The following PHKB variants were observed in gnomAD, a reference collection of about 807,000 sequenced individuals.
PHKB encodes the protein phosphorylase kinase regulatory subunit beta.
A neutral mutation model predicts 152.1 loss-of-function variants in PHKB; 122 were observed. That is an observed-to-expected ratio of 0.80 (90% CI 0.69 to 0.93). PHKB has a LOEUF of 0.93. PHKB is among the 40% of genes least tolerant of loss of function. The pLI is 0.00. For missense variants in PHKB, 1,304 were observed against 1,328.4 expected (o/e 0.98, Z 0.29); for synonymous variants, 436 against 464.9 (o/e 0.94, Z 0.80).
chr16:47,472,338 A>G (rs1349164529), intron 1 of PHKB, among the ~76,000 whole-genome samples: 1 of 152,192 alleles, frequency 6.6e-6, no homozygotes, highest in Non-Finnish European at 1.5e-5. Context: ...TTTGGGACAC[A>G]TCTATTTTCA....
chr16:47,603,503 CTT>C (rs1200510899), intron 13 of PHKB, among the ~76,000 whole-genome samples: 41 of 132,490 alleles, frequency 3.1e-4, no homozygotes, highest in Non-Finnish European at 3.0e-4. Flanking sequence ...AACTGACTTT[CTT>C]TTTTTTTTTT....
intron 16 of PHKB, among the ~76,000 whole-genome samples, chr16:47,642,767 C>T (rs1973047421): frequency 6.6e-6 from 1 of 152,016 alleles, no homozygotes; most frequent in African/African-American, 2.4e-5. Context: ...CTTGGAGAGT[C>T]CTTATACCTT....
intron 1 of PHKB, chr16:47,464,027 T>C (rs1209425917): frequency 8.1e-7 from 1 of 1,233,354 alleles, no homozygotes; most frequent in East Asian, 2.3e-5. Context: ...GGTCACTTGG[T>C]AATTTTAAAT....
At chr16:47,600,560 A>G (rs1972204665) in intron 13 of PHKB, among the ~76,000 whole-genome samples, 2 of 152,204 alleles carry the variant, frequency 1.3e-5, no homozygotes, top group African/African-American at 4.8e-5. Context: ...ACAGTCATTC[A>G]TTGCTTAATG....
intron 16 of PHKB, among the ~76,000 whole-genome samples, chr16:47,644,149 C>T (rs548406794): frequency 3.9e-5 from 6 of 152,216 alleles, no homozygotes; most frequent in South Asian, 4.2e-4. Context: ...TTTTACCATA[C>T]ATTTATTTCT....
chr16:47,507,125 C>CA (rs1970433521), intron 4 of PHKB, among the ~76,000 whole-genome samples: 1 of 152,078 alleles, frequency 6.6e-6, no homozygotes, highest in African/African-American at 2.4e-5. Context: ...AGGCATGCAC[C>CA]AACACACCCA....
intron 13 of PHKB, chr16:47,599,060 T>C (rs563006477): frequency 3.3e-6 from 2 of 612,972 alleles, no homozygotes; most frequent in East Asian, 5.5e-5. Context: ...TCAACCCAAG[T>C]TGGGAAGGTT....
chr16:47,691,694 T>C, intron 27 of PHKB, among the ~76,000 whole-genome samples: 1 of 146,652 alleles, frequency 6.8e-6, no homozygotes, highest in South Asian at 2.2e-4. Flanking sequence ...TAGAGTCAGA[T>C]CCTGTCTCAA....
intron 27 of PHKB, among the ~76,000 whole-genome samples, chr16:47,691,960 A>G (rs374902846): frequency 6.6e-6 from 1 of 152,206 alleles, no homozygotes; most frequent in Admixed American, 6.5e-5. Flanking sequence ...TTTAATTGCC[A>G]AACAAAGGGA....
Position 47,697,394 on chromosome 16 carries a change from G to T in PHKB, c.3003+906G>T, listed in dbSNP as rs375594114. On this transcript the variant is annotated intron_variant, in intron 29 of 30. Transcript: ENST00000323584. ...GCAGACTGGGTCGTGAAAAGACGGG[G>T]TTATTAGGCAGGTGAATGCCTTCCA... 3.9e-5 allele frequency among the ~76,000 whole-genome samples: 6 copies of T among 152,332 alleles called. No individual in the cohort carries two copies. In the East Asian group the frequency reaches 7.7e-4, roughly 20 times the overall value.
chr16:47,553,810 G>C (rs2151676503), intron 7 of PHKB, among the ~76,000 whole-genome samples: 1 of 152,316 alleles, frequency 6.6e-6, no homozygotes, highest in Non-Finnish European at 1.5e-5. Flanking sequence ...CCACAGGTCT[G>C]CTGGACTTTG....
rs151266617 is a variant in PHKB at position 47,605,572 on chromosome 16, A to G, written c.1364-5254A>G. On this transcript the variant is annotated intron_variant, in intron 13 of 30. Coordinates refer to ENST00000323584, the MANE Select transcript of PHKB (RefSeq NM_000293.3). ...TTTTTCACATCTCAGTGATCATACAATTGAGATACGGAAATAATTTACTGC... is the reference window on the plus strand; with the variant it reads ...TTTTTCACATCTCAGTGATCATACAGTTGAGATACGGAAATAATTTACTGC... Among the ~76,000 whole-genome samples the G allele has an allele frequency of 2.1e-4, 32 of 152,336 alleles. No individual in the cohort carries two copies. In the East Asian group the frequency reaches 5.2e-3, roughly 25 times the overall value.
At chr16:47,665,758 T>G (rs1973526575) in intron 25 of PHKB, 1 of 672,744 alleles carries the variant, frequency 1.5e-6, no homozygotes, top group South Asian at 1.6e-5. Context: ...CCTCCCTAAT[T>G]CTGAATGGTC....
chr16:47,499,933 G>A lies in PHKB; in HGVS notation c.305+39G>A, dbSNP rs148840597. The A allele has an allele frequency of 8.9e-5, 144 of 1,612,532 alleles. No individual in the cohort carries two copies. Among genetic ancestry groups the A allele is most frequent in the Non-Finnish European group, 1.2e-4 (139 of 1,179,002 alleles). ...TGTTCTCCTCGTAACTTTGAGAGTG[G>A]ATAATAGGGTTTTGTAGGACCAAGA... On this transcript the variant is annotated intron_variant, in intron 3 of 30. Transcript: ENST00000323584.
At chr16:47,613,787 A>C in intron 14 of PHKB, among the ~76,000 whole-genome samples, 1 of 152,008 alleles carries the variant, frequency 6.6e-6, no homozygotes, top group East Asian at 1.9e-4. Flanking sequence ...CCAGTTCTTA[A>C]CCCGTTGCAA....
chr16:47,483,964 T>C (rs1223237946), intron 1 of PHKB, among the ~76,000 whole-genome samples: 1 of 152,218 alleles, frequency 6.6e-6, no homozygotes, highest in Non-Finnish European at 1.5e-5. Flanking sequence ...TAACCACTTC[T>C]AAATGCATTT....
chr16:47,641,734 A>G lies in PHKB; in HGVS notation c.1608+42A>G, dbSNP rs745508638. ...TTTACTTTCCTTACTTTGTAGAGGT[A>G]CTAGAGCTTGATGGTTGGACTTAGT... On this transcript the variant is annotated intron_variant, in intron 16 of 30. Coordinates refer to ENST00000323584, the MANE Select transcript of PHKB (RefSeq NM_000293.3). 8 of 1,053,796 alleles carry G rather than the reference A, an allele frequency of 7.6e-6. No homozygotes were observed. The Admixed American group carries it at 8.5e-5, about 11-fold the overall frequency. The allele number at this position is 1,053,796 out of a possible 1,614,324, so 65.3% of individuals were successfully genotyped here.
At chr16:47,464,519 A>T (rs976856818) in intron 1 of PHKB, among the ~76,000 whole-genome samples, 2 of 152,202 alleles carry the variant, frequency 1.3e-5, no homozygotes, top group African/African-American at 4.8e-5. Context: ...AGATGTTGGC[A>T]CAATGGCTCT....
intron 1 of PHKB, among the ~76,000 whole-genome samples, chr16:47,481,521 A>C (rs187490021): frequency 1.3e-5 from 2 of 152,234 alleles, no homozygotes; most frequent in African/African-American, 2.4e-5. Context: ...AAAAATCATT[A>C]TGTGGGTCAT....
Sources: allele counts gnomAD v4.1 joint callset (sites outside exome capture counted in the v4.1 genomes callset), GRCh38; gene constraint gnomAD v4.1.1; transcripts MANE v1.5; gene names NCBI Gene and HGNC (gene_info 2026-07-23, HGNC 2026-07-21).